Variants in LRRC4C observed in about 807,000 individuals in gnomAD.
The protein encoded by LRRC4C is leucine rich repeat containing 4C, also known as leucine-rich repeat-containing protein 4C.
A neutral mutation model predicts 33.6 loss-of-function variants in LRRC4C; 5 were observed. The ratio of observed to expected loss-of-function variants is 0.15; its 90% CI spans 0.08 to 0.31. LRRC4C has a LOEUF of 0.31. Ranked by LOEUF, LRRC4C falls within the 10% of genes least tolerant of loss-of-function variation. The probability of loss-of-function intolerance (pLI) is 1.00; values close to 1 mark genes in which losing one functional copy is unlikely to be tolerated. For synonymous variants in LRRC4C, 329 were observed against 302.0 expected, an observed-to-expected ratio of 1.09 and a Z score of -0.93; for missense variants, 560 against 796.7, an observed-to-expected ratio of 0.70 and a Z score of 3.58.
At chr11:40,153,837 A>C (rs1858431705) in intron 5 of LRRC4C, among the ~76,000 whole-genome samples, 1 of 152,230 alleles carries the variant, frequency 6.6e-6, no homozygotes, top group Admixed American at 6.5e-5. Flanking sequence ...GTTCCTGAGG[A>C]AGAAGAGAAT....
chr11:40,150,865 T>C (rs1383605773), intron 5 of LRRC4C, among the ~76,000 whole-genome samples: 1 of 152,108 alleles, frequency 6.6e-6, no homozygotes. Flanking sequence ...AAGTAGAAGA[T>C]TAAGAATTTG....
At chr11:41,062,296 A>T (rs999998788) in intron 1 of LRRC4C, among the ~76,000 whole-genome samples, 1 of 152,144 alleles carries the variant, frequency 6.6e-6, no homozygotes, top group Middle Eastern at 3.2e-3. Context: ...ACCTATATGC[A>T]ACCATGCATT....
intron 1 of LRRC4C, among the ~76,000 whole-genome samples, chr11:41,184,206 T>C (rs1292097425): frequency 6.6e-6 from 1 of 152,146 alleles, no homozygotes; most frequent in Non-Finnish European, 1.5e-5. Context: ...AGCTCCTCAT[T>C]ATTTACGCAA....
intron 5 of LRRC4C, among the ~76,000 whole-genome samples, chr11:40,199,760 C>G (rs1007465878): frequency 1.3e-5 from 2 of 151,806 alleles, no homozygotes; most frequent in Non-Finnish European, 2.9e-5. Flanking sequence ...AACTAGTTTC[C>G]CTTCTGGGAA....
At chr11:41,229,672 G>A (rs908924443) in intron 1 of LRRC4C, among the ~76,000 whole-genome samples, 2 of 152,000 alleles carry the variant, frequency 1.3e-5, no homozygotes, top group East Asian at 1.9e-4. Context: ...AATTTTTCTA[G>A]TTCTAATATC....
At chr11:40,703,903 T>G (rs1045201119) in intron 2 of LRRC4C, among the ~76,000 whole-genome samples, 1 of 152,128 alleles carries the variant, frequency 6.6e-6, no homozygotes, top group Non-Finnish European at 1.5e-5. Context: ...ACCATTTTAA[T>G]AAAAAGATTA....
chr11:40,349,045 T>A (rs1360524160), intron 3 of LRRC4C, among the ~76,000 whole-genome samples: 3 of 152,216 alleles, frequency 2.0e-5, no homozygotes, highest in Non-Finnish European at 4.4e-5. Context: ...GGAGTATCCA[T>A]CACCTCAAGC....
intron 3 of LRRC4C, among the ~76,000 whole-genome samples, chr11:40,645,480 A>G (rs962533762): frequency 6.6e-6 from 1 of 152,188 alleles, no homozygotes; most frequent in Non-Finnish European, 1.5e-5. Flanking sequence ...ACAGAGGGAG[A>G]ATAGAAGCTT....
At chr11:41,073,223 T>C (rs974979643) in intron 1 of LRRC4C, among the ~76,000 whole-genome samples, 1 of 152,104 alleles carries the variant, frequency 6.6e-6, no homozygotes, top group Non-Finnish European at 1.5e-5. Flanking sequence ...AGATTGTGTA[T>C]CTGGTGAGGG....
chr11:40,134,414 T>C (rs183250875), intron 6 of LRRC4C, among the ~76,000 whole-genome samples: 105 of 152,286 alleles, frequency 6.9e-4, no homozygotes, highest in African/African-American at 2.4e-3. Flanking sequence ...GGATAGATTG[T>C]AGGGACTTGA....
At chr11:40,809,878 A>G (rs1186710592) in intron 2 of LRRC4C, among the ~76,000 whole-genome samples, 1 of 152,198 alleles carries the variant, frequency 6.6e-6, no homozygotes, top group Non-Finnish European at 1.5e-5. Context: ...TTTTATTTCC[A>G]AGACTTATAT....
intron 3 of LRRC4C, among the ~76,000 whole-genome samples, chr11:40,538,974 C>G (rs1027808962): frequency 1.3e-5 from 2 of 152,102 alleles, no homozygotes; most frequent in African/African-American, 2.4e-5. Flanking sequence ...CCTTTGCCCA[C>G]TTTTTGATGG....
At chr11:40,424,750 A>C (rs1026818402) in intron 3 of LRRC4C, among the ~76,000 whole-genome samples, 4 of 152,216 alleles carry the variant, frequency 2.6e-5, no homozygotes, top group Non-Finnish European at 2.9e-5. Flanking sequence ...TGCATTAAAA[A>C]TTATATGTAT....
intron 2 of LRRC4C, among the ~76,000 whole-genome samples, chr11:40,834,997 CCTTT>C (rs1220743100): frequency 6.7e-6 from 1 of 149,064 alleles, no homozygotes; most frequent in Non-Finnish European, 1.5e-5. Flanking sequence ...TTGCATGCAC[CCTTT>C]CTAACTCTAT....
intron 1 of LRRC4C, among the ~76,000 whole-genome samples, chr11:41,273,396 G>A (rs994053162): frequency 6.6e-6 from 1 of 152,056 alleles, no homozygotes; most frequent in Non-Finnish European, 1.5e-5. Context: ...TGGATACAAT[G>A]GCATATTATT....
At chr11:40,410,467 C>T (rs188235014) in intron 3 of LRRC4C, among the ~76,000 whole-genome samples, 2 of 152,122 alleles carry the variant, frequency 1.3e-5, no homozygotes, top group Admixed American at 1.3e-4. Context: ...TAGCAGCTAC[C>T]GTAATGAACA....
intron 1 of LRRC4C, among the ~76,000 whole-genome samples, chr11:41,389,783 G>A (rs939990151): frequency 3.3e-5 from 5 of 151,752 alleles, no homozygotes; most frequent in Admixed American, 1.3e-4. Flanking sequence ...CCAAGGCTCC[G>A]CTAATTAAAA....
At chr11:40,217,773 C>A (rs1235042786) in intron 5 of LRRC4C, among the ~76,000 whole-genome samples, 1 of 152,082 alleles carries the variant, frequency 6.6e-6, no homozygotes, top group African/African-American at 2.4e-5. Flanking sequence ...TCATCTTTTT[C>A]CATCTGTTAG....
At chr11:41,141,853 A>T (rs1384801262) in intron 1 of LRRC4C, among the ~76,000 whole-genome samples, 2 of 152,194 alleles carry the variant, frequency 1.3e-5, no homozygotes, top group Non-Finnish European at 2.9e-5. Context: ...TACAATCCTC[A>T]CATATGCTAT....
Sources: gnomAD v4.1 joint callset for allele counts (sites outside exome capture counted in the v4.1 genomes callset) on GRCh38, gnomAD v4.1.1 for gene constraint, MANE v1.5 for transcripts, NCBI Gene and HGNC (gene_info 2026-07-23, HGNC 2026-07-21) for gene names.